Variants in SEMA3A observed in about 807,000 individuals in gnomAD.
SEMA3A encodes the protein semaphorin-3A.
A neutral mutation model predicts 97.9 loss-of-function variants in SEMA3A; 29 were observed. That is an observed-to-expected ratio of 0.30 (90% CI 0.22 to 0.40). The LOEUF is 0.40. SEMA3A is among the 10% of genes least tolerant of loss of function. The pLI is 1.00. For missense variants in SEMA3A, 763 were observed against 951.3 expected (o/e 0.80, Z 2.60); for synonymous variants, 321 against 323.7 (o/e 0.99, Z 0.09).
At chr7:84,419,824 A>T (rs2116275302) in intron 1 of SEMA3A, among the ~76,000 whole-genome samples, 1 of 152,284 alleles carries the variant, frequency 6.6e-6, no homozygotes, top group Admixed American at 6.5e-5. Flanking sequence ...ATAAAGGCTA[A>T]GGCAGCATTG....
At chr7:84,032,892 A>T (rs13221547) in intron 6 of SEMA3A, among the ~76,000 whole-genome samples, 3 of 151,608 alleles carry the variant, frequency 2.0e-5, no homozygotes, top group African/African-American at 4.8e-5. Context: ...ACATAGCTAT[A>T]AAGTTTAAGG....
intron 1 of SEMA3A, among the ~76,000 whole-genome samples, chr7:84,191,957 C>G (rs1412442572): frequency 6.6e-6 from 1 of 151,860 alleles, no homozygotes; most frequent in Non-Finnish European, 1.5e-5. Context: ...GTTTTTACTT[C>G]TTTTTAACAT....
At chr7:83,995,521 A>G (rs977857637) in intron 12 of SEMA3A, among the ~76,000 whole-genome samples, 1 of 152,232 alleles carries the variant, frequency 6.6e-6, no homozygotes, top group African/African-American at 2.4e-5. Flanking sequence ...AAGATGCACT[A>G]TATGCTGCCT....
chr7:84,026,559 A>G (rs964710665), intron 6 of SEMA3A, among the ~76,000 whole-genome samples: 3 of 152,174 alleles, frequency 2.0e-5, no homozygotes, highest in Non-Finnish European at 4.4e-5. Context: ...TGTTTTTTGT[A>G]GCACTGTTCA....
intron 1 of SEMA3A, among the ~76,000 whole-genome samples, chr7:84,471,960 C>T (rs998780933): frequency 5.9e-5 from 9 of 151,310 alleles, no homozygotes; most frequent in Middle Eastern, 3.4e-3. Flanking sequence ...TAGGTTAATG[C>T]CCATGATTAT....
At chr7:84,357,847 A>G (rs1802608328) in intron 2 of SEMA3A, among the ~76,000 whole-genome samples, 2 of 151,892 alleles carry the variant, frequency 1.3e-5, no homozygotes, top group African/African-American at 4.8e-5. Flanking sequence ...ATGAGATGGT[A>G]TCTCATTGTG....
At chr7:84,485,437 G>A (rs936331133) in intron 1 of SEMA3A, among the ~76,000 whole-genome samples, 1 of 151,802 alleles carries the variant, frequency 6.6e-6, no homozygotes. Context: ...GTGCAGTGGG[G>A]CGATCATAGT....
At chr7:84,020,629 TAAATCTCATC>T (rs1341553504) in intron 6 of SEMA3A, among the ~76,000 whole-genome samples, 1 of 152,138 alleles carries the variant, frequency 6.6e-6, no homozygotes, top group African/African-American at 2.4e-5. Context: ...TTCATTTTGG[TAAATCTCATC>T]AAAATAAAAT....
Position 84,110,547 on chromosome 7 carries a change from G to A in SEMA3A, c.376C>T (p.Gln126Ter), listed in dbSNP as rs1795247886. 6.2e-7 allele frequency: 1 copy of A among 1,613,806 alleles called. No homozygotes were observed. The highest frequency in any genetic ancestry group is 1.3e-5 in the African/African-American group (1 of 74,906). ...NFIKVLKAYN[Q>*]THLYACGTGA... Reference sequence around the variant, plus strand: ...GTTCCACAGGCGTACAAGTGAGTCTGATTATATGCCTTAAGTACCTTGATG... The same window carrying A: ...GTTCCACAGGCGTACAAGTGAGTCTAATTATATGCCTTAAGTACCTTGATG... The change falls in exon 4 of 17, where the codon CAG (glutamine) becomes TAG (stop). Residue 126 changes from glutamine to a stop codon, truncating the protein, a stop_gained. Transcript: ENST00000265362. LOFTEE classifies it high-confidence loss of function.
chr7:84,315,378 T>C (rs1266849752), intron 2 of SEMA3A, among the ~76,000 whole-genome samples: 1 of 152,150 alleles, frequency 6.6e-6, no homozygotes, highest in Non-Finnish European at 1.5e-5. Context: ...GTATTTCTTC[T>C]TGGATGATCG....
At chr7:84,452,962 T>A (rs548835898) in intron 1 of SEMA3A, among the ~76,000 whole-genome samples, 85 of 152,328 alleles carry the variant, frequency 5.6e-4, no homozygotes, top group African/African-American at 1.9e-3. Context: ...TCTTTCCCCT[T>A]CTTTTTAACA....
At chr7:84,404,208 T>C (rs773704442) in intron 1 of SEMA3A, among the ~76,000 whole-genome samples, 25 of 152,110 alleles carry the variant, frequency 1.6e-4, no homozygotes, top group East Asian at 9.7e-4. Context: ...AAGGACCTGA[T>C]GGAGCTGAAA....
chr7:84,219,721 G>A (rs1372007190), intron 3 of SEMA3A, among the ~76,000 whole-genome samples: 1 of 152,202 alleles, frequency 6.6e-6, no homozygotes, highest in African/African-American at 2.4e-5. Context: ...GTTGTTTAGT[G>A]TAGTTACCTT....
intron 3 of SEMA3A, among the ~76,000 whole-genome samples, chr7:84,247,486 T>C (rs1799502002): frequency 1.3e-5 from 2 of 152,142 alleles, no homozygotes; most frequent in African/African-American, 4.8e-5. Context: ...ACATATGTAA[T>C]TGGGAAAAAT....
At chr7:83,988,860 C>CTTT (rs11309468) in intron 12 of SEMA3A, among the ~76,000 whole-genome samples, 5 of 132,716 alleles carry the variant, frequency 3.8e-5, no homozygotes, top group African/African-American at 1.1e-4. Context: ...GGATATTCAG[C>CTTT]TTTTTTTTTT....
intron 9 of SEMA3A, among the ~76,000 whole-genome samples, chr7:84,009,487 G>C (rs1208406435): frequency 1.3e-5 from 2 of 152,158 alleles, no homozygotes; most frequent in Non-Finnish European, 2.9e-5. Context: ...AACAGTGTTG[G>C]ACATTGCAGT....
chr7:84,224,967 T>C (rs1034731853), intron 3 of SEMA3A, among the ~76,000 whole-genome samples: 1 of 152,048 alleles, frequency 6.6e-6, no homozygotes, highest in African/African-American at 2.4e-5. Context: ...CCCCCTAGTA[T>C]ATGTAATGGA....
intron 1 of SEMA3A, among the ~76,000 whole-genome samples, chr7:84,372,990 G>A (rs904262930): frequency 6.6e-6 from 1 of 152,150 alleles, no homozygotes; most frequent in Non-Finnish European, 1.5e-5. Context: ...TCCAAAAGCT[G>A]AGTCCTCAAG....
intron 1 of SEMA3A, among the ~76,000 whole-genome samples, chr7:84,425,497 G>T (rs1804790837): frequency 1.5e-5 from 2 of 137,828 alleles, no homozygotes; most frequent in Admixed American, 7.6e-5. Flanking sequence ...ATAATTATAT[G>T]CATATAATAT....
Sources: gnomAD v4.1 joint callset for allele counts (sites outside exome capture counted in the v4.1 genomes callset) on GRCh38, gnomAD v4.1.1 for gene constraint, MANE v1.5 for transcripts, NCBI Gene and HGNC (gene_info 2026-07-23, HGNC 2026-07-21) for gene names.